Variants in BRD4 observed in about 807,000 individuals in gnomAD.
The protein encoded by BRD4 is bromodomain-containing protein 4.
In BRD4, 16 loss-of-function variants were observed where a neutral mutation model predicts 142.1. That is an observed-to-expected ratio of 0.11 (90% CI 0.08 to 0.17). The LOEUF (loss-of-function observed/expected upper bound fraction) is 0.17. BRD4 is among the 10% of genes least tolerant of loss of function. The pLI, the probability that BRD4 is intolerant of heterozygous loss-of-function variation, is 1.00. For missense variants in BRD4, 1,424 were observed against 1,810.9 expected (o/e 0.79, Z 3.88); for synonymous variants, 833 against 707.5 (o/e 1.18, Z -2.82).
At chr19:15,324,120 C>G (rs1300068329) in intron 1 of BRD4, among the ~76,000 whole-genome samples, 1 of 152,068 alleles carries the variant, frequency 6.6e-6, no homozygotes, top group Admixed American at 6.6e-5. Context: ...TACACGGCTC[C>G]ACCCAAGCCC....
chr19:15,238,514 C>T lies in BRD4; in HGVS notation c.4021-69G>A, dbSNP rs1001153722. The T allele has an allele frequency of 6.2e-7, 1 of 1,609,488 alleles. No homozygotes were observed. The highest frequency in any genetic ancestry group is 8.5e-7 in the Non-Finnish European group (1 of 1,178,230). ...ACCCTGCAGCTACAAGCCCTCATAC[C>T]CGCTACCAGCAGTCAGCCCCGTAGC... On this transcript the variant is annotated intron_variant, in intron 19 of 19. Coordinates refer to ENST00000679869, the MANE Select transcript of BRD4 (RefSeq NM_001379291.1). The surrounding 1 kb of genome is among the most constrained non-coding windows in gnomAD (Gnocchi z 7.2).
intron 14 of BRD4, among the ~76,000 whole-genome samples, chr19:15,240,832 G>A (rs1403326632): frequency 6.6e-6 from 1 of 152,176 alleles, no homozygotes; most frequent in Non-Finnish European, 1.5e-5. Context: ...ACCGCTCTTT[G>A]GCTAGCTGCA....
chr19:15,296,115 G>C (rs994249519), intron 1 of BRD4, among the ~76,000 whole-genome samples: 7 of 151,736 alleles, frequency 4.6e-5, no homozygotes, highest in Non-Finnish European at 1.0e-4. Context: ...TTAGCTGGGG[G>C]TGGTGGCGCA....
chr19:15,298,893 G>C (rs141107692), intron 1 of BRD4, among the ~76,000 whole-genome samples: 85 of 152,202 alleles, frequency 5.6e-4, no homozygotes, highest in African/African-American at 2.0e-3. Flanking sequence ...AAGCAGCCCA[G>C]GATAATTTCC....
chr19:15,291,769 A>G (rs2145668516), intron 1 of BRD4, among the ~76,000 whole-genome samples: 2 of 152,308 alleles, frequency 1.3e-5, no homozygotes, highest in Admixed American at 1.3e-4. Context: ...ACGACTGAAT[A>G]TGCCTTTGAG....
At chr19:15,246,824 G>C (rs563776243) in intron 11 of BRD4, among the ~76,000 whole-genome samples, 1 of 152,272 alleles carries the variant, frequency 6.6e-6, no homozygotes, top group South Asian at 2.1e-4. Flanking sequence ...CCCAGGCAAG[G>C]CAGGCCTAAA....
chr19:15,274,175 A>C (rs1216238235), intron 1 of BRD4, among the ~76,000 whole-genome samples: 2 of 152,240 alleles, frequency 1.3e-5, no homozygotes, highest in Non-Finnish European at 2.9e-5. Context: ...CCAGTGTACC[A>C]GTCTTGGTCC....
Position 15,238,407 on chromosome 19 carries a change from T to C in BRD4, c.4059A>G (p.Leu1353=), listed in dbSNP as rs146914097. ...ATIDMNFQSD[L]LSIFEENLF is the part of the protein sequence containing the mutation. ...AAAGATTTTCTTCAAATATTGACAA[T>C]AGATCACTCTGGAAATTCATGTCAA... Residue 1353 remains leucine (L), a synonymous_variant, in exon 20 of 20, where the codon CTA becomes CTG. Transcript: ENST00000679869. This position sits in a 1 kb window ranked among gnomAD's most constrained non-coding sequence, Gnocchi z 7.2. 36 of 1,614,122 alleles carry C rather than the reference T, an allele frequency of 2.2e-5. No individual in the cohort carries two copies. The African/African-American group carries it at 3.9e-4, about 17-fold the overall frequency.
intron 7 of BRD4, among the ~76,000 whole-genome samples, chr19:15,259,398 G>A (rs1197610814): frequency 6.6e-6 from 1 of 152,200 alleles, no homozygotes; most frequent in African/African-American, 2.4e-5. Flanking sequence ...TGACTGTTGG[G>A]TAAATGCTGG....
intron 7 of BRD4, among the ~76,000 whole-genome samples, chr19:15,259,938 C>T (rs187700105): frequency 1.0e-3 from 156 of 152,310 alleles, no homozygotes; most frequent in Non-Finnish European, 1.9e-3. Flanking sequence ...CAAGATGCAC[C>T]GAGGCAAGCC....
At chr19:15,327,306 A>G (rs752956856) in intron 1 of BRD4, among the ~76,000 whole-genome samples, 2 of 152,214 alleles carry the variant, frequency 1.3e-5, no homozygotes, top group Non-Finnish European at 2.9e-5. Context: ...TGGAAAGCTA[A>G]GGTGGGTGGA....
At chr19:15,242,001 T>C (rs539072622) in intron 14 of BRD4, among the ~76,000 whole-genome samples, 8 of 152,182 alleles carry the variant, frequency 5.3e-5, no homozygotes, top group Non-Finnish European at 1.0e-4. Flanking sequence ...TTAGTACAGA[T>C]AGGGTTTCAC....
intron 1 of BRD4, among the ~76,000 whole-genome samples, chr19:15,321,780 C>T (rs1169060624): frequency 2.0e-5 from 3 of 152,172 alleles, no homozygotes; most frequent in Non-Finnish European, 4.4e-5. Flanking sequence ...TAGCTTACCA[C>T]ACATGCACAC....
chr19:15,323,517 C>G (rs1239519038), intron 1 of BRD4, among the ~76,000 whole-genome samples: 1 of 152,156 alleles, frequency 6.6e-6, no homozygotes, highest in Admixed American at 6.6e-5. Context: ...AAATTTTTCT[C>G]ACCCTCTTCC....
chr19:15,251,696 C>G (rs1178791289), intron 11 of BRD4, among the ~76,000 whole-genome samples: 1 of 152,160 alleles, frequency 6.6e-6, no homozygotes, highest in African/African-American at 2.4e-5. Flanking sequence ...TTTACTGGTG[C>G]CAGGGTGTGG....
chr19:15,298,512 T>G (rs1398669355), intron 1 of BRD4, among the ~76,000 whole-genome samples: 3 of 150,980 alleles, frequency 2.0e-5, no homozygotes, highest in African/African-American at 7.3e-5. Flanking sequence ...TCCCAGCTAT[T>G]CAGGAGGCTG....
At position 15,273,042 on chromosome 19, in the gene BRD4, C is replaced by T. The variant is rs527856622; in HGVS notation, c.58G>A (p.Gly20Arg). ...GTAGACATTTGGGAAGTTTCTAGTC[C>T]ATCCCCCATTACTGGCAGATTTCTC... ...RLRNLPVMGD[G>R]LETSQMSTTQ... is the part of the protein sequence containing the mutation. The change falls in exon 2 of 20, where the codon GGA becomes AGA. Residue 20 changes from glycine (G) to arginine (R), a missense_variant. Gly to Arg is a moderately radical substitution (Grantham distance 125). Coordinates refer to ENST00000679869, the MANE Select transcript of BRD4 (RefSeq NM_001379291.1). 4.3e-6 allele frequency: 7 copies of T among 1,612,980 alleles called. 1 individual carries two copies. The Admixed American group carries it at 1.2e-4, about 27-fold the overall frequency.
chr19:15,290,955 A>G (rs1222049876), intron 1 of BRD4, among the ~76,000 whole-genome samples: 1 of 152,218 alleles, frequency 6.6e-6, no homozygotes, highest in Non-Finnish European at 1.5e-5. Context: ...CTATTGCATT[A>G]AAGACGCATA....
chr19:15,253,127 A>G (rs1282395784), intron 11 of BRD4: 1 of 269,710 alleles, frequency 3.7e-6, no homozygotes, highest in African/African-American at 2.2e-5. Context: ...TCTGCCTGAG[A>G]CCCTAGGGCC....
Sources: gnomAD v4.1 joint callset for allele counts (sites outside exome capture counted in the v4.1 genomes callset) on GRCh38, gnomAD v4.1.1 for gene constraint, Gnocchi (gnomAD v3.1) non-coding constraint, MANE v1.5 for transcripts, NCBI Gene and HGNC (gene_info 2026-07-23, HGNC 2026-07-21) for gene names.